TFPI: variants seen among roughly 807,000 people sequenced by gnomAD.
The protein encoded by TFPI is anti-convertin.
Under a neutral mutation model 34.6 loss-of-function variants are expected in TFPI, and 15 were observed. The observed-to-expected ratio is 0.43, with a 90% CI of 0.29 to 0.67. TFPI has a LOEUF of 0.67. TFPI is among the 30% of genes least tolerant of loss of function. TFPI has a pLI of 0.15. For synonymous variants in TFPI, 105 were observed against 120.1 expected (o/e 0.87, Z 0.82); for missense variants, 301 against 364.0 (o/e 0.83, Z 1.41).
At chr2:187,533,458 C>T (rs375959107) in intron 1 of TFPI, among the ~76,000 whole-genome samples, 1 of 151,874 alleles carries the variant, frequency 6.6e-6, no homozygotes, top group Non-Finnish European at 1.5e-5. Context: ...CTCCAGCAGA[C>T]CTGCAGCGGA....
intron 1 of TFPI, among the ~76,000 whole-genome samples, chr2:187,507,735 A>C (rs1198295447): frequency 6.6e-6 from 1 of 152,124 alleles, no homozygotes; most frequent in Admixed American, 6.5e-5. Context: ...GATATATTGC[A>C]AAAATTTTCT....
intron 1 of TFPI, among the ~76,000 whole-genome samples, chr2:187,536,246 A>G (rs1276315646): frequency 1.3e-5 from 2 of 152,240 alleles, no homozygotes; most frequent in Non-Finnish European, 2.9e-5. Context: ...GGCCAGCATC[A>G]TCCTGATACC....
At chr2:187,515,413 G>A (rs1686934276) in intron 1 of TFPI, 1 of 152,204 alleles carries the variant, frequency 6.6e-6, no homozygotes, top group African/African-American at 2.4e-5. Context: ...ACATAACTGT[G>A]TAGAGGTGTT....
intron 1 of TFPI, among the ~76,000 whole-genome samples, chr2:187,531,986 C>G (rs1169599052): frequency 6.6e-6 from 1 of 151,842 alleles, no homozygotes; most frequent in Non-Finnish European, 1.5e-5. Flanking sequence ...ACTAACTGTT[C>G]TATTCTTTTA....
rs530819993 is a variant in TFPI at position 187,465,484 on chromosome 2, A to G, written c.*1452T>C. The G allele has an allele frequency of 7.1e-6, 1 of 141,262 alleles. No homozygotes were observed. The highest frequency in any genetic ancestry group is 2.0e-4 in the East Asian group (1 of 5,074). The allele number at this position is 141,262 out of a possible 1,614,324, so 8.8% of individuals were successfully genotyped here. A position where few individuals can be genotyped will look rare whatever the true frequency, so the allele number is the denominator to read the frequency against. On this transcript the variant is annotated 3_prime_UTR_variant, in exon 8 of 8. Transcript: ENST00000233156. ...TGTCTAAAAAAACATAACAAAACAA[A>G]ACAAAATGAAAAAAAAAAAAAAACA...
At chr2:187,468,191 A>G (rs1273651415) in intron 6 of TFPI, among the ~76,000 whole-genome samples, 2 of 152,038 alleles carry the variant, frequency 1.3e-5, no homozygotes, top group Non-Finnish European at 2.9e-5. Flanking sequence ...TACTCTTTAT[A>G]TGAACAAACT....
chr2:187,501,623 C>T (rs1316990870), intron 2 of TFPI, among the ~76,000 whole-genome samples: 2 of 152,022 alleles, frequency 1.3e-5, no homozygotes, highest in African/African-American at 4.8e-5. Context: ...TATTCATTTA[C>T]AGCTTAGGAC....
At chr2:187,518,070 C>G (rs952486522) in intron 1 of TFPI, 1 of 152,228 alleles carries the variant, frequency 6.6e-6, no homozygotes, top group Non-Finnish European at 1.5e-5. Context: ...ATAGAGCATA[C>G]CAATGGGTCT....
At chr2:187,503,932 A>G (rs1189335268) in intron 1 of TFPI, among the ~76,000 whole-genome samples, 162 bp from the exon 2 acceptor site, 1 of 152,162 alleles carries the variant, frequency 6.6e-6, no homozygotes, top group African/African-American at 2.4e-5. Context: ...CATACTTAAA[A>G]TGTATATGTA....
intron 6 of TFPI, among the ~76,000 whole-genome samples, chr2:187,469,090 GA>G (rs8176588): frequency 6.6e-6 from 1 of 151,492 alleles, no homozygotes; most frequent in Non-Finnish European, 1.5e-5. Flanking sequence ...AGAAAAAAAT[GA>G]AAAAAAATCT....
At chr2:187,479,790 T>C (rs925962063) in intron 6 of TFPI, among the ~76,000 whole-genome samples, 7 of 151,186 alleles carry the variant, frequency 4.6e-5, no homozygotes, top group Non-Finnish European at 8.9e-5. Flanking sequence ...GAAGGATTGA[T>C]GATCTGAATG....
rs1346423127 is a variant in TFPI at position 187,464,251 on chromosome 2, A to G, written c.*2685T>C. Reference sequence around the variant, plus strand: ...CAGGTTTCATTATTCAGAATAATATATTTTACTTCTTATAATGTAAAAAAT... The same window carrying G: ...CAGGTTTCATTATTCAGAATAATATGTTTTACTTCTTATAATGTAAAAAAT... On this transcript the variant is annotated 3_prime_UTR_variant, in exon 8 of 8. Transcript: ENST00000233156. 2 of 152,116 alleles carry G rather than the reference A, an allele frequency of 1.3e-5. No homozygotes were observed. The allele number at this position is 152,116 out of a possible 1,614,324, so 9.4% of individuals were successfully genotyped here. A position where few individuals can be genotyped will look rare whatever the true frequency, so the allele number is the denominator to read the frequency against.
chr2:187,480,904 C>T (rs574301798), intron 6 of TFPI, among the ~76,000 whole-genome samples: 2 of 151,828 alleles, frequency 1.3e-5, no homozygotes, highest in South Asian at 4.2e-4. Context: ...TCAAGTATCT[C>T]GAATCAAGAA....
At chr2:187,524,241 G>C (rs1467538815) in intron 1 of TFPI, among the ~76,000 whole-genome samples, 1 of 151,924 alleles carries the variant, frequency 6.6e-6, no homozygotes, top group African/African-American at 2.4e-5. Context: ...GTGAACATAG[G>C]TTTGCATTTC....
At chr2:187,539,466 A>G (rs1688452928) in intron 1 of TFPI, among the ~76,000 whole-genome samples, 1 of 152,238 alleles carries the variant, frequency 6.6e-6, no homozygotes, top group African/African-American at 2.4e-5. Context: ...CTAACCATCT[A>G]TAAGATTCAG....
intron 4 of TFPI, among the ~76,000 whole-genome samples, chr2:187,486,977 T>C (rs1693316333): frequency 6.6e-6 from 1 of 151,652 alleles, no homozygotes; most frequent in Non-Finnish European, 1.5e-5. Context: ...GGTGTTAACA[T>C]GTAAGCATTT....
intron 6 of TFPI, among the ~76,000 whole-genome samples, chr2:187,471,819 G>T (rs1692052920): frequency 6.6e-6 from 1 of 151,748 alleles, no homozygotes; most frequent in Non-Finnish European, 1.5e-5. Context: ...CTTTACTGTG[G>T]TATCTTTTTT....
intron 1 of TFPI, chr2:187,527,409 A>C (rs998734478): frequency 6.6e-6 from 1 of 152,160 alleles, no homozygotes; most frequent in African/African-American, 2.4e-5. Flanking sequence ...TTTTCTCAGG[A>C]AAAGAGTATT....
intron 1 of TFPI, among the ~76,000 whole-genome samples, chr2:187,505,987 ATT>A (rs67619431): frequency 2.8e-4 from 41 of 147,242 alleles, no homozygotes; most frequent in African/African-American, 7.3e-4. Context: ...AGCGTATGTA[ATT>A]TTTTTTTTAA....
Sources: allele counts gnomAD v4.1 joint callset (sites outside exome capture counted in the v4.1 genomes callset), GRCh38; gene constraint gnomAD v4.1.1; transcripts MANE v1.5; gene names NCBI Gene and HGNC (gene_info 2026-07-23, HGNC 2026-07-21).